COL5A2: variants seen among roughly 807,000 people sequenced by gnomAD.
COL5A2 encodes collagen type V alpha 2 chain, also known as collagen alpha-2(V) chain.
COL5A2 carries 23 observed loss-of-function variants against 208.2 expected under a neutral mutation model. The ratio of observed to expected loss-of-function variants is 0.11; its 90% CI spans 0.08 to 0.16. The LOEUF (loss-of-function observed/expected upper bound fraction) is 0.16, where lower values mean the gene tolerates loss of function less well. Among genes scored for constraint, COL5A2 ranks in the 10% least tolerant of loss-of-function variants. COL5A2 has a pLI of 1.00. For missense variants in COL5A2, 1,590 were observed against 1,956.4 expected, an observed-to-expected ratio of 0.81 and a Z score of 3.53; for synonymous variants, 625 against 628.5, an observed-to-expected ratio of 0.99 and a Z score of 0.08.
chr2:189,409,113 G>GA, the COL5A2 span, among the ~76,000 whole-genome samples: 1 of 148,344 alleles, frequency 6.7e-6, no homozygotes, highest in Non-Finnish European at 1.5e-5. Context: ...TGTTTCAACA[G>GA]AAAATTACAC....
intron 5 of COL5A2, 123 bp downstream of exon 5, chr2:189,098,604 T>C: frequency 1.2e-6 from 1 of 800,856 alleles, no homozygotes; most frequent in South Asian, 1.5e-5. Context: ...TAAGACAAAA[T>C]GTTTTAAGAG....
At chr2:189,102,664 T>C (rs916116923) in intron 3 of COL5A2, among the ~76,000 whole-genome samples, 6 of 152,102 alleles carry the variant, frequency 3.9e-5, no homozygotes, top group African/African-American at 1.4e-4. Flanking sequence ...GAAGCAGTTA[T>C]AGTGTTTTTC....
chr2:189,117,965 TAAG>T (rs1687428028), intron 1 of COL5A2, among the ~76,000 whole-genome samples: 1 of 152,126 alleles, frequency 6.6e-6, no homozygotes, highest in African/African-American at 2.4e-5. Context: ...GTTGTTTGCT[TAAG>T]AAGCTTTATA....
Position 189,064,549 on chromosome 2 carries a change from A to G in COL5A2, c.1716+8T>C, listed in dbSNP as rs1686104282. 1.2e-6 allele frequency: 2 copies of G among 1,608,268 alleles called. No homozygotes were observed. Among genetic ancestry groups the G allele is most frequent in the South Asian group, 2.2e-5 (2 of 91,000 alleles). On this transcript the variant is annotated splice_region_variant and intron_variant, in intron 25 of 53. Coordinates refer to ENST00000374866, the MANE Select transcript of COL5A2 (RefSeq NM_000393.5). ...CTTTGATGTAGCAAACACTTGCTAT[A>G]TTCTTACCCGAGCACCTGGAAGCCC...
intron 31 of COL5A2, 31 bp downstream of exon 31, chr2:189,060,699 G>A (rs1576500606): frequency 6.4e-7 from 1 of 1,571,954 alleles, no homozygotes; most frequent in East Asian, 2.2e-5. Flanking sequence ...GCAATGTATA[G>A]TGTTGCCATT....
the COL5A2 span, among the ~76,000 whole-genome samples, chr2:189,316,650 A>G: frequency 8.5e-5 from 13 of 152,076 alleles, no homozygotes; most frequent in Admixed American, 2.6e-4. Flanking sequence ...ACTAGACTTA[A>G]TTCCTGGGTG....
chr2:189,388,012 T>C, the COL5A2 span, among the ~76,000 whole-genome samples: 1 of 152,112 alleles, frequency 6.6e-6, no homozygotes, highest in Non-Finnish European at 1.5e-5. Context: ...CTCAAGCTCC[T>C]GAGCTCAAGC....
the COL5A2 span, among the ~76,000 whole-genome samples, chr2:189,408,386 C>A: frequency 2.0e-5 from 3 of 152,022 alleles, no homozygotes; most frequent in African/African-American, 7.2e-5. Context: ...TGGTGTGATG[C>A]GGGAAGAAAG....
At chr2:189,228,477 T>C (rs1379450310), upstream of COL5A2, among the ~76,000 whole-genome samples, 5 of 151,768 alleles carry the variant, frequency 3.3e-5, no homozygotes, top group Non-Finnish European at 5.9e-5. Context: ...GACATTACAA[T>C]TGATGCCACA....
At chr2:189,214,151 A>G (rs545315340) in intron 1 of COL5A2, among the ~76,000 whole-genome samples, 122 of 152,286 alleles carry the variant, frequency 8.0e-4, no homozygotes, top group African/African-American at 2.8e-3. Flanking sequence ...CCTTAAAAAT[A>G]TAGATAAGCT....
At chr2:189,220,839 C>T (rs1420872321) in intron 1 of COL5A2, among the ~76,000 whole-genome samples, 1 of 152,192 alleles carries the variant, frequency 6.6e-6, no homozygotes, top group Non-Finnish European at 1.5e-5. Flanking sequence ...CTCCCCATCA[C>T]TCGTACCCTG....
chr2:189,296,246 T>C, the COL5A2 span, among the ~76,000 whole-genome samples: 6 of 152,192 alleles, frequency 3.9e-5, no homozygotes, highest in African/African-American at 1.4e-4. Context: ...TAAGTTTTAA[T>C]ACTATATTTT....
At chr2:189,341,070 G>A in the COL5A2 span, among the ~76,000 whole-genome samples, 1 of 152,112 alleles carries the variant, frequency 6.6e-6, no homozygotes, top group African/African-American at 2.4e-5. Flanking sequence ...CAATATAGAT[G>A]ATCAAGTATA....
At chr2:189,363,951 G>A in the COL5A2 span, among the ~76,000 whole-genome samples, 1 of 152,176 alleles carries the variant, frequency 6.6e-6, no homozygotes, top group Non-Finnish European at 1.5e-5. Flanking sequence ...GTCTTACACT[G>A]GGGAAATATG....
At chr2:189,373,999 A>G in the COL5A2 span, among the ~76,000 whole-genome samples, 1 of 152,206 alleles carries the variant, frequency 6.6e-6, no homozygotes, top group African/African-American at 2.4e-5. Context: ...AACACACAAC[A>G]TGAGAAGAAC....
the COL5A2 span, among the ~76,000 whole-genome samples, chr2:189,337,434 G>A: frequency 2.0e-5 from 3 of 151,930 alleles, no homozygotes; most frequent in South Asian, 2.1e-4. Context: ...CGCCCGCCTC[G>A]GCCTCCCAAA....
rs776302656 is a variant in COL5A2, at chr2:189,058,520, C to T, written c.2138G>A (p.Arg713Gln). 2.5e-6 allele frequency: 4 copies of T among 1,613,570 alleles called. No individual in the cohort carries two copies. The highest frequency in any genetic ancestry group is 1.7e-5 in the Admixed American group (1 of 60,008). Residue 713 changes from arginine (R) to glutamine (Q), a missense_variant, in exon 33 of 54, where the codon CGA becomes CAA. Coordinates refer to ENST00000374866, the MANE Select transcript of COL5A2 (RefSeq NM_000393.5). ...TTCTCCTCTTTCCCCAGGATTTCCT[C>T]GTTCTCCCTAGCACAAAATTGGGAT... Reference protein sequence around the residue: ...AVGPLGPRGERGNPGERGEPG... With the variant: ...AVGPLGPRGEQGNPGERGEPG...
chr2:189,084,890 A>C (rs1346042916), intron 11 of COL5A2, among the ~76,000 whole-genome samples: 1 of 152,202 alleles, frequency 6.6e-6, no homozygotes. Flanking sequence ...CTACTGTGAC[A>C]ACAAGCCTAG....
intron 1 of COL5A2, among the ~76,000 whole-genome samples, chr2:189,149,754 T>C (rs1688109877): frequency 6.6e-6 from 1 of 152,162 alleles, no homozygotes; most frequent in South Asian, 2.1e-4. Context: ...GTTTAGTGGT[T>C]TCAAGACTGT....
Sources: allele counts gnomAD v4.1 joint callset (sites outside exome capture counted in the v4.1 genomes callset), GRCh38; gene constraint gnomAD v4.1.1; transcripts MANE v1.5; gene names NCBI Gene and HGNC (gene_info 2026-07-23, HGNC 2026-07-21).